SEZ6L: variants seen among roughly 807,000 people sequenced by gnomAD.
SEZ6L encodes the protein seizure related 6 homolog like, also known as seizure 6-like protein.
In SEZ6L, 37 loss-of-function variants were observed where a neutral mutation model predicts 106.2. The observed-to-expected ratio is 0.35, with a 90% CI of 0.27 to 0.46. The LOEUF is 0.46. Among genes scored for constraint, SEZ6L ranks in the 20% least tolerant of loss-of-function variants. The pLI, the probability that SEZ6L is intolerant of heterozygous loss-of-function variation, is 1.00. For synonymous variants in SEZ6L, 541 were observed against 570.4 expected (o/e 0.95, Z 0.73); for missense variants, 1,172 against 1,332.8 (o/e 0.88, Z 1.88).
At chr22:26,340,705 A>G in intron 10 of SEZ6L, 73 bp downstream of exon 10, 3 of 1,312,094 alleles carry the variant, frequency 2.3e-6, no homozygotes, top group Admixed American at 2.4e-5. Flanking sequence ...CCTCTAGGTT[A>G]TTTGGCAGTT....
rs1311704931 is a variant in SEZ6L, at chr22:26,301,732, G to GC, written c.1348+2563_1348+2564insC. 4.0e-5 allele frequency among the ~76,000 whole-genome samples: 6 copies of GC among 151,882 alleles called. No individual in the cohort carries two copies. The South Asian group carries it at 1.1e-3, about 28-fold the overall frequency. ...AGGAAATAGACTGAGGGTGGAAAAT[G>GC]GGGGGGAGAAGGGGGAAACATTCCA... On this transcript the variant is annotated intron_variant, in intron 5 of 16. Coordinates refer to ENST00000248933, the MANE Select transcript of SEZ6L (RefSeq NM_021115.5).
intron 1 of SEZ6L, among the ~76,000 whole-genome samples, chr22:26,225,833 T>C (rs1056978244): frequency 1.3e-5 from 2 of 152,234 alleles, no homozygotes; most frequent in Admixed American, 6.5e-5. Flanking sequence ...AATCTTCCCT[T>C]GGCTTTCACT....
chr22:26,297,263 T>C (rs569772119), intron 4 of SEZ6L, among the ~76,000 whole-genome samples, 183 bp downstream of exon 4: 5 of 152,362 alleles, frequency 3.3e-5, no homozygotes, highest in African/African-American at 1.2e-4. Context: ...AAGAAAACGG[T>C]ATTACTGAGC....
intron 14 of SEZ6L, among the ~76,000 whole-genome samples, chr22:26,374,665 T>C (rs731275): frequency 0.48 from 73,720 of 152,032 alleles, 19,119 homozygotes; most frequent in East Asian, 0.94. Flanking sequence ...CCCCATAAAG[T>C]GGTGGTTAAT....
At chr22:26,348,610 GAAAAA>G (rs2083107670) in intron 11 of SEZ6L, among the ~76,000 whole-genome samples, 1 of 23,770 alleles carries the variant, frequency 4.2e-5, no homozygotes, top group African/African-American at 3.8e-4. Context: ...GAAAGAAAGA[GAAAAA>G]GAAAGAAAGA....
intron 2 of SEZ6L, 66 bp downstream of exon 2, chr22:26,293,212 A>G (rs756120479): frequency 2.8e-6 from 4 of 1,449,220 alleles, no homozygotes; most frequent in South Asian, 1.5e-5. Context: ...TGTTCAGGGC[A>G]TGTGGGTAGA....
chr22:26,202,193 T>C lies in SEZ6L; in HGVS notation c.94+32430T>C, dbSNP rs145239380. The stretch of plus-strand genomic sequence containing the variant: ...CCTCCCAAAGTGCTGGGATTACAGG[T>C]GTGAGCCACTGCGCCCGGCCAAGTC... On this transcript the variant is annotated intron_variant, in intron 1 of 16. Transcript: ENST00000248933. Among the ~76,000 whole-genome samples the C allele has an allele frequency of 3.3e-3, 499 of 152,230 alleles. 12 individuals carry two copies. In the South Asian group the frequency reaches 0.064, roughly 19 times the overall value.
intron 1 of SEZ6L, among the ~76,000 whole-genome samples, chr22:26,280,955 T>C (rs2080741713): frequency 6.6e-6 from 1 of 152,200 alleles, no homozygotes; most frequent in South Asian, 2.1e-4. Flanking sequence ...TATAATACAT[T>C]GTTATTCACT....
intron 11 of SEZ6L, among the ~76,000 whole-genome samples, chr22:26,348,654 G>GAA (rs1163342628): frequency 2.8e-3 from 118 of 41,422 alleles, no homozygotes; most frequent in Middle Eastern, 0.011. Context: ...GAAAAAGAAA[G>GAA]AAAGAAAGAA....
chr22:26,302,898 C>A (rs1273350121), intron 5 of SEZ6L, among the ~76,000 whole-genome samples: 2 of 152,186 alleles, frequency 1.3e-5, no homozygotes, highest in African/African-American at 4.8e-5. Flanking sequence ...CCAGAGCCCC[C>A]CACCAGGGAC....
chr22:26,337,061 T>C (rs1359353753), intron 9 of SEZ6L, among the ~76,000 whole-genome samples: 3 of 152,016 alleles, frequency 2.0e-5, no homozygotes, highest in Non-Finnish European at 2.9e-5. Flanking sequence ...GAAGCTGGAA[T>C]TTGAATCCAG....
At chr22:26,261,961 T>C (rs911967920) in intron 1 of SEZ6L, among the ~76,000 whole-genome samples, 3 of 152,034 alleles carry the variant, frequency 2.0e-5, no homozygotes, top group Non-Finnish European at 4.4e-5. Flanking sequence ...CATCCAGAAG[T>C]GAGGAAGAGT....
intron 13 of SEZ6L, among the ~76,000 whole-genome samples, chr22:26,370,710 A>G (rs1187006558): frequency 2.0e-5 from 3 of 151,650 alleles, no homozygotes; most frequent in African/African-American, 7.3e-5. Context: ...AAAAAAAAAG[A>G]AAAGAAAAAA....
intron 1 of SEZ6L, among the ~76,000 whole-genome samples, chr22:26,276,244 G>A (rs2080540601): frequency 6.6e-6 from 1 of 152,188 alleles, no homozygotes; most frequent in African/African-American, 2.4e-5. Flanking sequence ...GTTTCTTTAA[G>A]GTTAACCAGT....
intron 1 of SEZ6L, among the ~76,000 whole-genome samples, chr22:26,262,282 A>ATCTATCTATCTG (rs2080040611): frequency 6.7e-6 from 1 of 149,708 alleles, no homozygotes; most frequent in Non-Finnish European, 1.5e-5. Context: ...CTATCTATCT[A>ATCTATCTATCTG]TCTCTTTTAA....
intron 1 of SEZ6L, among the ~76,000 whole-genome samples, chr22:26,191,085 C>T (rs569066474): frequency 9.2e-5 from 14 of 152,298 alleles, no homozygotes; most frequent in Admixed American, 9.1e-4. Context: ...GGTTGTAAAA[C>T]ACTATCCTAT....
At chr22:26,210,742 T>C (rs771880790) in intron 1 of SEZ6L, among the ~76,000 whole-genome samples, 6 of 152,170 alleles carry the variant, frequency 3.9e-5, no homozygotes, top group Non-Finnish European at 7.3e-5. Context: ...TTTTCCAAAC[T>C]CCTAATCAGA....
Position 26,367,336 on chromosome 22 carries a change from T to C in SEZ6L, c.2794+1770T>C, listed in dbSNP as rs1003244827. On this transcript the variant is annotated intron_variant, in intron 13 of 16. Coordinates refer to ENST00000248933, the MANE Select transcript of SEZ6L (RefSeq NM_021115.5). ...AGCCTGGTTTTTGTTGATTTGTTTG[T>C]TTGTTTTTGTTTGTTTGTTTGTTTG... Among the ~76,000 whole-genome samples the C allele has an allele frequency of 1.4e-4, 22 of 151,932 alleles. 1 individual carries two copies. The highest frequency in any genetic ancestry group is 3.4e-3 in the Middle Eastern group (1 of 294).
At chr22:26,171,375 C>G (rs538408458) in intron 1 of SEZ6L, among the ~76,000 whole-genome samples, 1 of 152,250 alleles carries the variant, frequency 6.6e-6, no homozygotes, top group African/African-American at 2.4e-5. Flanking sequence ...CTCTCCCTCC[C>G]CCACCCCCTT....
Sources: gnomAD v4.1 joint callset for allele counts (sites outside exome capture counted in the v4.1 genomes callset) on GRCh38, gnomAD v4.1.1 for gene constraint, MANE v1.5 for transcripts, NCBI Gene and HGNC (gene_info 2026-07-23, HGNC 2026-07-21) for gene names.